The following ACYP2 variants were observed in gnomAD, a reference collection of about 807,000 sequenced individuals.
ACYP2 encodes acylphosphatase-2.
A neutral mutation model predicts 11.2 loss-of-function variants in ACYP2; 12 were observed. The ratio of observed to expected loss-of-function variants is 1.08; its 90% CI spans 0.69 to 1.74. The LOEUF (loss-of-function observed/expected upper bound fraction) is 1.74. ACYP2 is among the 40% of genes most tolerant of loss of function. ACYP2 has a pLI of 0.00. For missense variants in ACYP2, 134 were observed against 101.9 expected, an observed-to-expected ratio of 1.31 and a Z score of -1.35; for synonymous variants, 43 against 32.2, an observed-to-expected ratio of 1.33 and a Z score of -1.13.
chr2:54,248,627 G>T (rs1687069889), intron 6 of ACYP2, among the ~76,000 whole-genome samples: 1 of 152,070 alleles, frequency 6.6e-6, no homozygotes, highest in Non-Finnish European at 1.5e-5. Flanking sequence ...TTTGGCATTT[G>T]TCACACTGTA....
intron 6 of ACYP2, among the ~76,000 whole-genome samples, chr2:54,166,749 A>G (rs1682991316): frequency 1.3e-5 from 2 of 152,068 alleles, no homozygotes; most frequent in South Asian, 2.1e-4. Flanking sequence ...TCAAGATTCT[A>G]TAGCAATTTG....
chr2:54,227,872 C>G (rs1686074910), intron 6 of ACYP2, among the ~76,000 whole-genome samples: 1 of 152,162 alleles, frequency 6.6e-6, no homozygotes, highest in Admixed American at 6.5e-5. Flanking sequence ...CATTTGAAGT[C>G]TTGCAGGAAT....
chr2:54,106,908 C>T (rs1679201197), intron 4 of ACYP2, among the ~76,000 whole-genome samples: 1 of 152,100 alleles, frequency 6.6e-6, no homozygotes, highest in Non-Finnish European at 1.5e-5. Context: ...TTATAACATC[C>T]ATATCTAATT....
intron 2 of ACYP2, among the ~76,000 whole-genome samples, chr2:53,999,600 G>C (rs545895006): frequency 2.0e-5 from 3 of 152,222 alleles, no homozygotes; most frequent in Non-Finnish European, 4.4e-5. Flanking sequence ...GAGAGACGCT[G>C]CTAGGACAAG....
intron 6 of ACYP2, among the ~76,000 whole-genome samples, chr2:54,198,996 G>A (rs555348854): frequency 3.9e-5 from 6 of 152,170 alleles, no homozygotes; most frequent in African/African-American, 1.4e-4. Flanking sequence ...TCCTTCTCTC[G>A]TCATTTTCAG....
chr2:54,204,451 A>G (rs1029054693), intron 6 of ACYP2, among the ~76,000 whole-genome samples: 2 of 152,146 alleles, frequency 1.3e-5, no homozygotes. Flanking sequence ...GCCTGGACAC[A>G]AGATTCTTGG....
chr2:54,012,141 A>T (rs1217713477), intron 2 of ACYP2, among the ~76,000 whole-genome samples: 3 of 151,604 alleles, frequency 2.0e-5, no homozygotes, highest in African/African-American at 7.3e-5. Context: ...GTGGCTGAGG[A>T]AGGAGAAACA....
intron 4 of ACYP2, among the ~76,000 whole-genome samples, chr2:54,102,638 CAA>C (rs58842257): frequency 2.4e-5 from 2 of 83,328 alleles, no homozygotes; most frequent in African/African-American, 5.8e-5. Flanking sequence ...TGGCTTAAGC[CAA>C]AAAAAAAAAA....
At chr2:54,103,722 T>C (rs772763843) in intron 4 of ACYP2, among the ~76,000 whole-genome samples, 5 of 152,248 alleles carry the variant, frequency 3.3e-5, no homozygotes, top group Admixed American at 1.3e-4. Flanking sequence ...TTTGAAAATA[T>C]AGAGCTCAAG....
chr2:54,274,481 A>G (rs1688456504), intron 6 of ACYP2, among the ~76,000 whole-genome samples: 1 of 152,052 alleles, frequency 6.6e-6, no homozygotes, highest in Non-Finnish European at 1.5e-5. Flanking sequence ...TCTACAAAAT[A>G]AAATAAAAAA....
chr2:54,108,402 T>C (rs1438477781), intron 4 of ACYP2, among the ~76,000 whole-genome samples: 1 of 152,234 alleles, frequency 6.6e-6, no homozygotes, highest in African/African-American at 2.4e-5. Context: ...CGAAGGCCCT[T>C]GTTGTCACAC....
At chr2:53,997,692 C>A (rs1672639731) in intron 2 of ACYP2, among the ~76,000 whole-genome samples, 1 of 152,018 alleles carries the variant, frequency 6.6e-6, no homozygotes, top group Non-Finnish European at 1.5e-5. Context: ...GTAATAGGAG[C>A]ACAGTGTTTA....
chr2:54,204,083 C>G (rs1176200127), intron 6 of ACYP2, among the ~76,000 whole-genome samples: 1 of 152,160 alleles, frequency 6.6e-6, no homozygotes, highest in Non-Finnish European at 1.5e-5. Context: ...CGACCTCTGC[C>G]TCCCACGTTG....
chr2:54,069,129 CTTTG>C, intron 4 of ACYP2, among the ~76,000 whole-genome samples: 1 of 152,158 alleles, frequency 6.6e-6, no homozygotes, highest in East Asian at 1.9e-4. Context: ...TGAGGTCTCA[CTTTG>C]TTGCCCAGTC....
intron 2 of ACYP2, among the ~76,000 whole-genome samples, chr2:54,002,717 T>C (rs1672861660): frequency 6.6e-6 from 1 of 151,186 alleles, no homozygotes; most frequent in Non-Finnish European, 1.5e-5. Flanking sequence ...AATGGTGCGA[T>C]TTCGGCTCAC....
chr2:54,219,857 A>ATGTGTGTGTG (rs771365126), intron 6 of ACYP2, among the ~76,000 whole-genome samples: 19 of 41,064 alleles, frequency 4.6e-4, no homozygotes, highest in African/African-American at 1.4e-3. Context: ...GTGTATATAG[A>ATGTGTGTGTG]TGTGTGTGTG....
intron 2 of ACYP2, among the ~76,000 whole-genome samples, chr2:54,045,313 C>A (rs1333766323): frequency 6.6e-6 from 1 of 152,180 alleles, no homozygotes; most frequent in Non-Finnish European, 1.5e-5. Context: ...GGGTCTCCTC[C>A]CATCTTCTTA....
intron 2 of ACYP2, among the ~76,000 whole-genome samples, chr2:53,988,178 A>G (rs1344737362): frequency 6.6e-6 from 1 of 152,100 alleles, no homozygotes; most frequent in Non-Finnish European, 1.5e-5. Flanking sequence ...CAGCCTGTGC[A>G]ACATATCAAG....
chr2:54,228,113 A>C (rs1015842459), intron 6 of ACYP2, among the ~76,000 whole-genome samples: 2 of 152,214 alleles, frequency 1.3e-5, no homozygotes, highest in Admixed American at 1.3e-4. Flanking sequence ...CTGTATTTGC[A>C]GGTAATGAAT....
Sources: gnomAD v4.1 joint callset for allele counts (sites outside exome capture counted in the v4.1 genomes callset) on GRCh38, gnomAD v4.1.1 for gene constraint, MANE v1.5 for transcripts, NCBI Gene and HGNC (gene_info 2026-07-23, HGNC 2026-07-21) for gene names.